CPEB4: variants seen among roughly 807,000 people sequenced by gnomAD.
CPEB4 encodes cytoplasmic polyadenylation element binding protein 4.
In CPEB4, 12 loss-of-function variants were observed where a neutral mutation model predicts 72.5. The observed-to-expected ratio is 0.17, with a 90% CI of 0.11 to 0.27. The LOEUF (loss-of-function observed/expected upper bound fraction) is 0.27, where lower values mean the gene tolerates loss of function less well. Among genes scored for constraint, CPEB4 ranks in the 10% least tolerant of loss-of-function variants. CPEB4 has a pLI of 1.00. For missense variants in CPEB4, 614 were observed against 908.5 expected (o/e 0.68, Z 4.17); for synonymous variants, 302 against 326.3 (o/e 0.93, Z 0.80).
rs146509795 is a variant in CPEB4, at chr5:173,914,215, A to G, written c.1207+3611A>G. Among the ~76,000 whole-genome samples, 176 of 152,326 alleles carry G rather than the reference A, an allele frequency of 1.2e-3. 1 individual carries two copies. Among genetic ancestry groups the G allele is most frequent in the African/African-American group, 4.1e-3 (172 of 41,570 alleles). On this transcript the variant is annotated intron_variant, in intron 2 of 9. Coordinates refer to ENST00000265085, the MANE Select transcript of CPEB4 (RefSeq NM_030627.4). ...CAAGACATTGTTTTTGCTCAGGGTA[A>G]CATTTTATTTCTTGTCAAACTATCT... is the stretch of plus-strand genomic sequence containing the variant.
At chr5:173,917,187 T>C (rs1216361196) in intron 2 of CPEB4, among the ~76,000 whole-genome samples, 1 of 152,236 alleles carries the variant, frequency 6.6e-6, no homozygotes, top group African/African-American at 2.4e-5. Context: ...TAAATAATTT[T>C]TTTTCAAAAT....
intron 2 of CPEB4, among the ~76,000 whole-genome samples, chr5:173,920,391 A>G (rs1454570401): frequency 6.6e-6 from 1 of 152,246 alleles, no homozygotes; most frequent in Non-Finnish European, 1.5e-5. Context: ...ATTAATTGAA[A>G]TATAAATAAC....
At chr5:173,906,496 C>A (rs939632232) in intron 1 of CPEB4, among the ~76,000 whole-genome samples, 4 of 152,194 alleles carry the variant, frequency 2.6e-5, no homozygotes, top group African/African-American at 9.7e-5. Flanking sequence ...ACTATACTTG[C>A]TAATAAGTTT....
At chr5:173,944,199 C>T (rs1253705120) in intron 4 of CPEB4, among the ~76,000 whole-genome samples, 1 of 152,032 alleles carries the variant, frequency 6.6e-6, no homozygotes, top group Non-Finnish European at 1.5e-5. Flanking sequence ...TTTAGCATGC[C>T]TAATAATCTT....
chr5:173,948,962 GA>G (rs1758127739), intron 5 of CPEB4, among the ~76,000 whole-genome samples: 1 of 152,070 alleles, frequency 6.6e-6, no homozygotes. Flanking sequence ...AATTTTGAGG[GA>G]ACATAAACAT....
At chr5:173,934,124 G>A (rs1581151129) in intron 3 of CPEB4, among the ~76,000 whole-genome samples, 1 of 152,108 alleles carries the variant, frequency 6.6e-6, no homozygotes, top group Admixed American at 6.5e-5. Flanking sequence ...GGTCAAGGGT[G>A]CAGTGAGCCA....
At chr5:173,896,765 GAA>G in intron 1 of CPEB4, among the ~76,000 whole-genome samples, 1 of 152,138 alleles carries the variant, frequency 6.6e-6, no homozygotes, top group Non-Finnish European at 1.5e-5. Flanking sequence ...ACCGTATCAA[GAA>G]AATAATAACT....
chr5:173,951,589 G>T (rs1469662164), intron 7 of CPEB4, among the ~76,000 whole-genome samples: 1 of 152,156 alleles, frequency 6.6e-6, no homozygotes, highest in Non-Finnish European at 1.5e-5. Context: ...GACATGTTAA[G>T]TAATTTGGCT....
intron 2 of CPEB4, among the ~76,000 whole-genome samples, chr5:173,930,327 G>A (rs34040113): frequency 0.65 from 98,650 of 152,040 alleles, 32,859 homozygotes; most frequent in Middle Eastern, 0.73. Context: ...AAGTGCTGGG[G>A]TTACAGGCAT....
chr5:173,961,437 C>T lies in CPEB4; in HGVS notation c.*5300C>T, dbSNP rs1758548125. The T allele has an allele frequency of 6.6e-6, 1 of 152,186 alleles. No homozygotes were observed. The highest frequency in any genetic ancestry group is 2.1e-4 in the South Asian group (1 of 4,828). 9.4% of individuals were successfully genotyped at this position (152,186 alleles called of 1,614,324 possible). A position where few individuals can be genotyped will look rare whatever the true frequency, so the allele number is the denominator to read the frequency against. On this transcript the variant is annotated 3_prime_UTR_variant, in exon 10 of 10. Transcript: ENST00000265085. ...ATATAACAACTCTATCTTGAAATTA[C>T]ATAGGTGCATTGCTTTGGGTGTTTT...
rs1024842962 is a variant in CPEB4, at chr5:173,950,266, C to T, written c.1665+188C>T. Among the ~76,000 whole-genome samples, 4 of 152,086 alleles carry T rather than the reference C, an allele frequency of 2.6e-5. No homozygotes were observed. Among genetic ancestry groups the T allele is most frequent in the South Asian group, 2.1e-4 (1 of 4,830 alleles). On this transcript the variant is annotated intron_variant, in intron 7 of 9. Coordinates refer to ENST00000265085, the MANE Select transcript of CPEB4 (RefSeq NM_030627.4). The surrounding 1 kb of genome is among the most constrained non-coding windows in gnomAD (Gnocchi z 5.0). ...GTATTTGCACATCTCAATTTGACAT[C>T]GAATTTTTGGTTAGTTGAAATATAA...
intron 2 of CPEB4, among the ~76,000 whole-genome samples, chr5:173,911,453 G>A (rs1026494876): frequency 1.3e-5 from 2 of 151,872 alleles, no homozygotes; most frequent in African/African-American, 2.4e-5. Flanking sequence ...TAGTAGAGAC[G>A]GGGTTTCACC....
intron 2 of CPEB4, among the ~76,000 whole-genome samples, chr5:173,920,319 C>A (rs573166068): frequency 6.6e-6 from 1 of 152,266 alleles, no homozygotes; most frequent in South Asian, 2.1e-4. Context: ...AATTAGAGCC[C>A]CCTTTTAGTG....
chr5:173,908,672 C>CA (rs1383539312), intron 1 of CPEB4, among the ~76,000 whole-genome samples: 2 of 150,742 alleles, frequency 1.3e-5, no homozygotes, highest in East Asian at 3.9e-4. Flanking sequence ...TAGGTCCATC[C>CA]AAAAAAAATA....
At chr5:173,920,054 A>G (rs1757017751) in intron 2 of CPEB4, among the ~76,000 whole-genome samples, 1 of 152,248 alleles carries the variant, frequency 6.6e-6, no homozygotes, top group African/African-American at 2.4e-5. Flanking sequence ...ACTACTTTTC[A>G]AATCAGACAT....
intron 2 of CPEB4, among the ~76,000 whole-genome samples, chr5:173,921,923 GC>G (rs1360457966): frequency 1.3e-5 from 2 of 152,184 alleles, no homozygotes; most frequent in Non-Finnish European, 2.9e-5. Flanking sequence ...TTTATTCAGT[GC>G]CCCTTCTGAG....
intron 2 of CPEB4, among the ~76,000 whole-genome samples, chr5:173,924,127 A>G (rs935877563): frequency 6.6e-6 from 1 of 152,108 alleles, no homozygotes; most frequent in Non-Finnish European, 1.5e-5. Flanking sequence ...GACCTCTCCC[A>G]TCTTACAGAT....
chr5:173,934,999 G>A (rs1237550723), intron 3 of CPEB4, among the ~76,000 whole-genome samples: 2 of 152,164 alleles, frequency 1.3e-5, no homozygotes, highest in Non-Finnish European at 2.9e-5. Context: ...CTGGCATAAT[G>A]AATTGTGCTT....
chr5:173,948,474 C>T (rs1758109424), intron 5 of CPEB4, among the ~76,000 whole-genome samples: 1 of 152,002 alleles, frequency 6.6e-6, no homozygotes, highest in African/African-American at 2.4e-5. Flanking sequence ...ACAGCCTGGG[C>T]AACATAGTGA....
Sources: gnomAD v4.1 joint callset for allele counts (sites outside exome capture counted in the v4.1 genomes callset) on GRCh38, gnomAD v4.1.1 for gene constraint, Gnocchi (gnomAD v3.1) non-coding constraint, MANE v1.5 for transcripts, NCBI Gene and HGNC (gene_info 2026-07-23, HGNC 2026-07-21) for gene names.